GOLM1: variants seen among roughly 807,000 people sequenced by gnomAD.
GOLM1 encodes the protein golgi membrane protein 1, also known as epididymis luminal protein 46.
GOLM1 carries 31 observed loss-of-function variants against 50.5 expected under a neutral mutation model. That is an observed-to-expected ratio of 0.61 (90% CI 0.46 to 0.83). The LOEUF is 0.83. GOLM1 is among the 40% of genes least tolerant of loss of function. The probability of loss-of-function intolerance (pLI) is 0.00; values close to 1 mark genes in which losing one functional copy is unlikely to be tolerated. For synonymous variants in GOLM1, 178 were observed against 192.8 expected (o/e 0.92, Z 0.64); for missense variants, 491 against 501.3 (o/e 0.98, Z 0.20).
intron 5 of GOLM1, among the ~76,000 whole-genome samples, chr9:86,044,028 G>A (rs1181345197): frequency 2.0e-5 from 3 of 152,166 alleles, no homozygotes; most frequent in Admixed American, 1.3e-4. Context: ...CCTAACTCAA[G>A]GTTTCTCAAC....
intron 4 of GOLM1, among the ~76,000 whole-genome samples, chr9:86,052,290 T>C (rs1833779046): frequency 6.6e-6 from 1 of 152,210 alleles, no homozygotes; most frequent in African/African-American, 2.4e-5. Flanking sequence ...TCTTAACACA[T>C]TCATGAGTGA....
rs148043716 is a variant in GOLM1 at position 86,046,607 on chromosome 9, C to T, written c.365-35G>A. On this transcript the variant is annotated intron_variant, in intron 4 of 9. Coordinates refer to ENST00000388712, the MANE Select transcript of GOLM1 (RefSeq NM_016548.4). Reference sequence around the variant, plus strand: ...GGGGACAAGGAATTGCACAGGTCACCGGCACAGCTGTCATGCCATTCAGCC... The same window carrying T: ...GGGGACAAGGAATTGCACAGGTCACTGGCACAGCTGTCATGCCATTCAGCC... 4.4e-4 allele frequency: 582 copies of T among 1,334,736 alleles called. 3 individuals are homozygous for T. The African/African-American group carries it at 6.5e-3, about 15-fold the overall frequency. The allele number at this position is 1,334,736 out of a possible 1,614,324, so 82.7% of individuals were successfully genotyped here.
At chr9:86,067,555 G>A (rs910423430) in intron 3 of GOLM1, among the ~76,000 whole-genome samples, 27 of 152,120 alleles carry the variant, frequency 1.8e-4, no homozygotes, top group Non-Finnish European at 2.5e-4. Flanking sequence ...CCTGAAATTC[G>A]GGGCAGCCTT....
intron 1 of GOLM1, among the ~76,000 whole-genome samples, chr9:86,096,300 T>C (rs746192287): frequency 5.9e-5 from 9 of 152,204 alleles, no homozygotes; most frequent in Non-Finnish European, 1.3e-4. Context: ...CCCATTCATT[T>C]ACATATTATC....
At chr9:86,082,915 T>G (rs1282779683) in intron 1 of GOLM1, among the ~76,000 whole-genome samples, 2 of 152,286 alleles carry the variant, frequency 1.3e-5, no homozygotes, top group Non-Finnish European at 2.9e-5. Flanking sequence ...CACACTCTTC[T>G]GTAAATGCTG....
chr9:86,087,889 T>C (rs1431075355), intron 1 of GOLM1, among the ~76,000 whole-genome samples: 5 of 152,182 alleles, frequency 3.3e-5, no homozygotes, highest in Non-Finnish European at 5.9e-5. Context: ...GGGATATTGG[T>C]CTGAAATTTT....
At chr9:86,062,346 G>T (rs1190764682) in intron 3 of GOLM1, among the ~76,000 whole-genome samples, 1 of 152,078 alleles carries the variant, frequency 6.6e-6, no homozygotes, top group East Asian at 1.9e-4. Flanking sequence ...CCCTCCCCCA[G>T]CATCTCCTGC....
Position 86,026,341 on chromosome 9 carries a change from A to AAAGT in GOLM1, c.*1472_*1475dup. 1.0e-6 allele frequency: 1 copy of AAAGT among 985,236 alleles called. No homozygotes were observed. Among genetic ancestry groups the AAAGT allele is most frequent in the South Asian group, 4.7e-5 (1 of 21,276 alleles). 61.0% of individuals were successfully genotyped at this position (985,236 alleles called of 1,614,324 possible). On this transcript the variant is annotated 3_prime_UTR_variant, in exon 10 of 10. Transcript: ENST00000388712. ...ATCTAAGTTGCCTTTTCTGGGTGGG[A>AAAGT]AAGTTTAACCTTAGTGACTAAGGAC...
At chr9:86,079,496 T>C (rs1834723583) in intron 1 of GOLM1, among the ~76,000 whole-genome samples, 155 bp from the exon 2 acceptor site, 1 of 151,836 alleles carries the variant, frequency 6.6e-6, no homozygotes, top group South Asian at 2.1e-4. Context: ...GGGAGAAGAG[T>C]ATGTGAACGG....
rs190304334 is a variant in GOLM1, at chr9:86,088,100, A to G, written c.-21-8759T>C. Among the ~76,000 whole-genome samples the G allele has an allele frequency of 7.2e-3, 1,088 of 152,162 alleles. 9 individuals are homozygous for G. Among genetic ancestry groups the G allele is most frequent in the African/African-American group, 0.025 (1,019 of 41,494 alleles). On this transcript the variant is annotated intron_variant, in intron 1 of 9. Transcript: ENST00000388712. ...TTTTTTGGTTGGTAGGCTATTCATTACTGCCTCAATTTCAGAACTTGTTAT... is the reference window on the plus strand; with the variant it reads ...TTTTTTGGTTGGTAGGCTATTCATTGCTGCCTCAATTTCAGAACTTGTTAT...
chr9:86,036,774 A>C, intron 6 of GOLM1: 1 of 451,330 alleles, frequency 2.2e-6, no homozygotes, highest in Non-Finnish European at 3.9e-6. Context: ...GCATTTACGG[A>C]ATAATAAAAT....
At chr9:86,079,545 G>A (rs1460988635) in intron 1 of GOLM1, 18 of 406,432 alleles carry the variant, frequency 4.4e-5, no homozygotes, top group Middle Eastern at 1.3e-3. Context: ...CCAGGGCAGT[G>A]TGGCCAGTTC....
intron 3 of GOLM1, among the ~76,000 whole-genome samples, chr9:86,060,873 T>TGC (rs1834133721): frequency 3.5e-5 from 1 of 28,610 alleles, no homozygotes; most frequent in African/African-American, 8.6e-5. Flanking sequence ...AGCGAAACTC[T>TGC]CTCAAAAAAA....
At chr9:86,036,271 C>G (rs928507569) in intron 7 of GOLM1, 77 bp downstream of exon 7, 1 of 1,479,036 alleles carries the variant, frequency 6.8e-7, no homozygotes, top group Non-Finnish European at 9.5e-7. Context: ...CTGACTGCCT[C>G]AGCAGCTCGC....
At chr9:86,071,344 CG>C (rs912890787) in intron 3 of GOLM1, among the ~76,000 whole-genome samples, 41 of 152,072 alleles carry the variant, frequency 2.7e-4, no homozygotes, top group African/African-American at 9.7e-4. Context: ...GCAATCCTCC[CG>C]CCTTAGCCTC....
At chr9:86,069,079 T>C (rs1834381796) in intron 3 of GOLM1, among the ~76,000 whole-genome samples, 1 of 152,090 alleles carries the variant, frequency 6.6e-6, no homozygotes, top group Admixed American at 6.5e-5. Context: ...CCTACATTTA[T>C]AAAGTATTAT....
chr9:86,064,002 C>T (rs753369821), intron 3 of GOLM1, among the ~76,000 whole-genome samples: 13 of 152,206 alleles, frequency 8.5e-5, no homozygotes, highest in Non-Finnish European at 2.9e-5. Context: ...AATCAAACCA[C>T]GTCCTGAATC....
rs1159409127 is a variant in GOLM1 at position 86,026,218 on chromosome 9, T to C, written c.*1599A>G. The C allele has an allele frequency of 5.9e-5, 58 of 982,580 alleles. 1 individual carries two copies. Among genetic ancestry groups the C allele is most frequent in the Non-Finnish European group, 7.0e-5 (58 of 827,542 alleles). The allele number at this position is 982,580 out of a possible 1,614,324, so 60.9% of individuals were successfully genotyped here. On this transcript the variant is annotated 3_prime_UTR_variant, in exon 10 of 10. Coordinates refer to ENST00000388712, the MANE Select transcript of GOLM1 (RefSeq NM_016548.4). ...TTAAACATGAGATGAATAGAGACTT[T>C]ATTGAGAAAGCAAGAGAAAATTCCT...
chr9:86,039,275 G>C (rs1366013289), intron 6 of GOLM1, among the ~76,000 whole-genome samples: 1 of 152,158 alleles, frequency 6.6e-6, no homozygotes, highest in Non-Finnish European at 1.5e-5. Flanking sequence ...CACCTGCTAG[G>C]AAGGGTATCA....
Sources: allele counts gnomAD v4.1 joint callset (sites outside exome capture counted in the v4.1 genomes callset), GRCh38; gene constraint gnomAD v4.1.1; transcripts MANE v1.5; gene names NCBI Gene and HGNC (gene_info 2026-07-23, HGNC 2026-07-21).